LARP4B: variants seen among roughly 807,000 people sequenced by gnomAD.
LARP4B encodes La ribonucleoprotein 4B, also known as la-related protein 4B.
A neutral mutation model predicts 89.8 loss-of-function variants in LARP4B; 12 were observed. The observed-to-expected ratio is 0.13, with a 90% CI of 0.09 to 0.22. LARP4B has a LOEUF of 0.22. Ranked by LOEUF, LARP4B falls within the 10% of genes least tolerant of loss-of-function variation. The probability of loss-of-function intolerance (pLI) is 1.00; values close to 1 mark genes in which losing one functional copy is unlikely to be tolerated. For synonymous variants in LARP4B, 367 were observed against 363.3 expected (o/e 1.01, Z -0.12); for missense variants, 757 against 947.7 (o/e 0.80, Z 2.64).
At position 885,695 on chromosome 10, in the gene LARP4B, A is replaced by G. The variant is rs1176641361; in HGVS notation, c.27T>C (p.Val9=). Residue 9 remains valine (V), a synonymous_variant, in exon 2 of 18, where the codon GTT becomes GTC. Transcript: ENST00000316157. ...CTCTCTGCGTCTGCGGTTCAGCCAC[A>G]ACCTTAGCGTCCTGATCAGAAGTCA... MTSDQDAK[V]VAEPQTQRVQ... is the part of the protein sequence containing the mutation. 1 of 1,614,120 alleles carries G rather than the reference A, an allele frequency of 6.2e-7. No homozygotes were observed. Among genetic ancestry groups the G allele is most frequent in the Admixed American group, 1.7e-5 (1 of 60,006 alleles).
the LARP4B span, among the ~76,000 whole-genome samples, chr10:983,050 C>T: frequency 6.6e-6 from 1 of 152,190 alleles, no homozygotes; most frequent in Non-Finnish European, 1.5e-5. Flanking sequence ...GGGTTATTAC[C>T]TTTCTCTTTA....
chr10:928,511 T>C (rs1837215967), intron 1 of LARP4B, among the ~76,000 whole-genome samples: 1 of 152,162 alleles, frequency 6.6e-6, no homozygotes, highest in South Asian at 2.1e-4. Context: ...TGCAAATCTA[T>C]GTAGAGTAGC....
intron 1 of LARP4B, among the ~76,000 whole-genome samples, chr10:929,419 AC>A (rs1191166533): frequency 2.0e-5 from 3 of 152,152 alleles, no homozygotes; most frequent in Middle Eastern, 3.4e-3. Context: ...ACATGCTGAA[AC>A]CCCGTCTCTA....
At chr10:843,723 T>G (rs1373939438) in intron 6 of LARP4B, among the ~76,000 whole-genome samples, 2 of 151,502 alleles carry the variant, frequency 1.3e-5, no homozygotes. Context: ...GAAAAACAAT[T>G]TAAAGTAAAG....
rs764203372 is a variant in LARP4B at position 859,987 on chromosome 10, G to A, written c.430+3756C>T. Among the ~76,000 whole-genome samples the A allele has an allele frequency of 2.8e-4, 43 of 151,792 alleles. 1 individual carries two copies. Among genetic ancestry groups the A allele is most frequent in the Non-Finnish European group, 5.1e-4 (35 of 67,972 alleles). ...ATACATTTCTCCAAACCCACAGAAC[G>A]TACAACACCAAGAGTGAGCCCTCAT... On this transcript the variant is annotated intron_variant, in intron 5 of 17. Coordinates refer to ENST00000316157, the MANE Select transcript of LARP4B (RefSeq NM_015155.3).
chr10:899,324 C>G (rs1836271525), intron 1 of LARP4B, among the ~76,000 whole-genome samples: 1 of 152,038 alleles, frequency 6.6e-6, no homozygotes, highest in Non-Finnish European at 1.5e-5. Flanking sequence ...GTATGGGAGC[C>G]AAATATAAAA....
At chr10:870,064 CG>C in intron 3 of LARP4B, 1 of 985,318 alleles carries the variant, frequency 1.0e-6, no homozygotes, top group Non-Finnish European at 1.2e-6. Context: ...CCTCTGACAC[CG>C]GTAGCTGAGG....
At chr10:863,286 C>T (rs886643662) in intron 5 of LARP4B, among the ~76,000 whole-genome samples, 112 of 151,522 alleles carry the variant, frequency 7.4e-4, no homozygotes, top group African/African-American at 2.5e-3. Flanking sequence ...TGCAGTGGCA[C>T]GATCTCGGCT....
At chr10:961,318 C>T in the LARP4B span, among the ~76,000 whole-genome samples, 11 of 152,360 alleles carry the variant, frequency 7.2e-5, no homozygotes, top group East Asian at 2.1e-3. Context: ...GCTCACGGTT[C>T]TGCGGGCTGT....
At chr10:964,128 G>A in the LARP4B span, among the ~76,000 whole-genome samples, 16 of 152,278 alleles carry the variant, frequency 1.1e-4, no homozygotes, top group East Asian at 3.9e-4. Flanking sequence ...GTGCAGTGGC[G>A]TGATCTCTGC....
chr10:940,087 G>A, the LARP4B span, among the ~76,000 whole-genome samples: 5 of 125,998 alleles, frequency 4.0e-5, no homozygotes, highest in African/African-American at 9.3e-5. Flanking sequence ...GTGCGATCTC[G>A]GCTCACCGCA....
chr10:847,912 T>C (rs1343184625), intron 5 of LARP4B, among the ~76,000 whole-genome samples: 1 of 152,046 alleles, frequency 6.6e-6, no homozygotes, highest in Non-Finnish European at 1.5e-5. Flanking sequence ...GAGTGGGAAG[T>C]CAGGTGGGAA....
the LARP4B span, among the ~76,000 whole-genome samples, chr10:939,130 G>A: frequency 6.6e-6 from 1 of 152,262 alleles, no homozygotes; most frequent in Non-Finnish European, 1.5e-5. Flanking sequence ...TCAAAAAGCA[G>A]TCAGAGAGGA....
At chr10:911,328 A>G (rs1484874906) in intron 1 of LARP4B, among the ~76,000 whole-genome samples, 1 of 151,834 alleles carries the variant, frequency 6.6e-6, no homozygotes, top group Non-Finnish European at 1.5e-5. Flanking sequence ...TAAAAAGCTG[A>G]TACTTTGGCT....
At chr10:944,200 C>T in the LARP4B span, among the ~76,000 whole-genome samples, 1 of 152,240 alleles carries the variant, frequency 6.6e-6, no homozygotes, top group South Asian at 2.1e-4. Flanking sequence ...TGCTACCAAC[C>T]TCCGAACAGT....
the LARP4B span, among the ~76,000 whole-genome samples, chr10:977,043 T>C: frequency 6.6e-6 from 1 of 152,198 alleles, no homozygotes; most frequent in African/African-American, 2.4e-5. Flanking sequence ...AATGAGACAC[T>C]TGAGGAACAG....
At chr10:943,589 A>G in the LARP4B span, among the ~76,000 whole-genome samples, 1 of 152,206 alleles carries the variant, frequency 6.6e-6, no homozygotes, top group East Asian at 1.9e-4. Flanking sequence ...GCCACCACAT[A>G]GGGCCAGTTT....
At chr10:915,318 C>T (rs1836789634) in intron 1 of LARP4B, among the ~76,000 whole-genome samples, 1 of 152,038 alleles carries the variant, frequency 6.6e-6, no homozygotes, top group Non-Finnish European at 1.5e-5. Flanking sequence ...CTAGCACTGA[C>T]AATATACTGA....
intron 3 of LARP4B, among the ~76,000 whole-genome samples, chr10:873,920 G>T (rs1835348446): frequency 6.6e-6 from 1 of 152,120 alleles, no homozygotes; most frequent in Non-Finnish European, 1.5e-5. Context: ...TGTGCATACA[G>T]GGAGGAAAAG....
Sources: gnomAD v4.1 joint callset for allele counts (sites outside exome capture counted in the v4.1 genomes callset) on GRCh38, gnomAD v4.1.1 for gene constraint, MANE v1.5 for transcripts, NCBI Gene and HGNC (gene_info 2026-07-23, HGNC 2026-07-21) for gene names.